Variants in SPATA13 observed in about 807,000 individuals in gnomAD.
The protein encoded by SPATA13 is spermatogenesis associated 13, also known as spermatogenesis-associated protein 13.
Under a neutral mutation model 104.0 loss-of-function variants are expected in SPATA13, and 50 were observed. The observed-to-expected ratio is 0.48, with a 90% confidence interval of 0.38 to 0.61. SPATA13 has a LOEUF of 0.61. Ranked by LOEUF, SPATA13 falls within the 20% of genes least tolerant of loss-of-function variation. The pLI, the probability that SPATA13 is intolerant of heterozygous loss-of-function variation, is 0.00. For synonymous variants in SPATA13, 606 were observed against 667.5 expected, an observed-to-expected ratio of 0.91 and a Z score of 1.42; for missense variants, 1,524 against 1,690.6, an observed-to-expected ratio of 0.90 and a Z score of 1.73.
intron 2 of SPATA13, among the ~76,000 whole-genome samples, chr13:24,013,533 C>T (rs749042761): frequency 6.6e-6 from 1 of 152,200 alleles, no homozygotes; most frequent in African/African-American, 2.4e-5. Context: ...AAGCTTAAGT[C>T]GCCCTTATCC....
At chr13:24,210,282 G>A (rs1212119782) in intron 1 of SPATA13, among the ~76,000 whole-genome samples, 1 of 152,070 alleles carries the variant, frequency 6.6e-6, no homozygotes, top group African/African-American at 2.4e-5. Flanking sequence ...GCTTGATACA[G>A]TCTCGTGTCT....
chr13:24,107,057 A>G lies in SPATA13; in HGVS notation c.-112+89356A>G, dbSNP rs373419697. 3.5e-4 allele frequency among the ~76,000 whole-genome samples: 52 copies of G among 149,040 alleles called. No homozygotes were observed. In the East Asian group the frequency reaches 3.5e-3, roughly 10 times the overall value. On this transcript the variant is annotated intron_variant, in intron 3 of 14. Coordinates refer to the SPATA13 transcript ENST00000424834. ...ACATGAAAAGATGATAAGGACGGGG[A>G]AAAAAAAAAGGAAGAAATTTATGCT...
chr13:24,106,453 T>C (rs181832607), intron 3 of SPATA13, among the ~76,000 whole-genome samples: 2 of 152,334 alleles, frequency 1.3e-5, no homozygotes, highest in East Asian at 3.9e-4. Context: ...CATTCCACCA[T>C]TGACATGGGT....
intron 3 of SPATA13, among the ~76,000 whole-genome samples, chr13:24,048,723 C>T (rs1173917653): frequency 6.6e-6 from 1 of 151,944 alleles, no homozygotes; most frequent in African/African-American, 2.4e-5. Flanking sequence ...CAAGCTGAAC[C>T]GTTTAATATC....
chr13:24,196,645 A>T (rs1225933228), intron 1 of SPATA13, among the ~76,000 whole-genome samples: 1 of 152,166 alleles, frequency 6.6e-6, no homozygotes, highest in Non-Finnish European at 1.5e-5. Context: ...ATGAGGTGGG[A>T]GGATCACTGG....
At chr13:24,008,100 T>G (rs1352247110) in intron 2 of SPATA13, among the ~76,000 whole-genome samples, 1 of 152,102 alleles carries the variant, frequency 6.6e-6, no homozygotes, top group Non-Finnish European at 1.5e-5. Context: ...CCTGTGAAGG[T>G]TAAGGAAGGA....
intron 1 of SPATA13, among the ~76,000 whole-genome samples, chr13:24,180,359 A>G (rs528026333): frequency 2.0e-5 from 3 of 152,286 alleles, no homozygotes; most frequent in South Asian, 2.1e-4. Flanking sequence ...CTATATGTCT[A>G]TCCTTGTGCT....
rs76249356 is a variant in SPATA13, at chr13:24,218,649, G to C, written c.-111-4170G>C. On this transcript the variant is annotated intron_variant, in intron 1 of 12. Transcript: ENST00000382108. The stretch of plus-strand genomic sequence containing the variant: ...TGGGCCGCAGGCTGCATGTGGCCCA[G>C]GGAAGCTTTGAATGTGGCCCAACAC... 0.017 allele frequency among the ~76,000 whole-genome samples: 2,530 copies of C among 152,136 alleles called. 133 individuals are homozygous for C. In the East Asian group the frequency reaches 0.18, roughly 11 times the overall value.
rs916290190 is a variant in SPATA13 at position 24,051,749 on chromosome 13, T to C, written c.-112+34048T>C. Among the ~76,000 whole-genome samples, 6 of 152,180 alleles carry C rather than the reference T, an allele frequency of 3.9e-5. No homozygotes were observed. Among genetic ancestry groups the C allele is most frequent in the African/African-American group, 9.6e-5 (4 of 41,506 alleles). On this transcript the variant is annotated intron_variant, in intron 3 of 14. Transcript: ENST00000424834. The surrounding 1 kb of genome is among the most constrained non-coding windows in gnomAD (Gnocchi z 4.2). ...AGCTTTAGGGGGGAAGTGGTAGCGA[T>C]TGGAGTCAGAGGCAGCAGTGCTATC...
chr13:24,089,404 C>T (rs561986288), intron 3 of SPATA13, among the ~76,000 whole-genome samples: 20 of 152,254 alleles, frequency 1.3e-4, no homozygotes, highest in African/African-American at 3.4e-4. Flanking sequence ...CTGCTGTGGA[C>T]GCTAAGGACC....
chr13:24,061,513 A>T (rs1878771155), intron 3 of SPATA13, among the ~76,000 whole-genome samples: 2 of 152,260 alleles, frequency 1.3e-5, no homozygotes, highest in South Asian at 4.1e-4. Flanking sequence ...TGTGGAACAT[A>T]TGCACCATGG....
chr13:24,109,817 A>AAT (rs1169422004), intron 3 of SPATA13, among the ~76,000 whole-genome samples: 1 of 151,968 alleles, frequency 6.6e-6, no homozygotes, highest in African/African-American at 2.4e-5. Flanking sequence ...ATCTGCAATG[A>AAT]ATATAGTTGC....
In SPATA13 at chr13:24,294,848, G is replaced by A. The variant is rs756792701; in HGVS notation, c.3190G>A (p.Val1064Met). ...ESIDKIARWQ[V>M]SIVGWEGLDI... ...CATCGACAAGATAGCTCGCTGGCAG[G>A]TGTCTATCGTGGGCTGGGAGGTAAG... The change falls in exon 10 of 13, where the codon GTG (valine) becomes ATG (methionine). Residue 1064 changes from valine (V) to methionine (M), a missense_variant. Physicochemically the swap from Val to Met is conservative, Grantham distance 21 (BLOSUM62 1). Transcript: ENST00000382108. 12 of 1,609,882 alleles carry A rather than the reference G, an allele frequency of 7.5e-6. No homozygotes were observed. The South Asian group carries it at 7.7e-5, about 10-fold the overall frequency.
At position 24,237,377 on chromosome 13, in the gene SPATA13, C is replaced by CA. The variant is rs200472890; in HGVS notation, c.1654-12092dup. ...GATTCCATCTTAAAACAAAACAAAA[C>CA]AAAAAAAACATGCTGCAGCATGGCT... On this transcript the variant is annotated intron_variant, in intron 2 of 12. Coordinates refer to ENST00000382108, the MANE Select transcript of SPATA13 (RefSeq NM_001166271.3). Among the ~76,000 whole-genome samples, 1,095 of 151,612 alleles carry CA rather than the reference C, an allele frequency of 7.2e-3. 25 individuals are homozygous for CA. The highest frequency in any genetic ancestry group is 0.025 in the African/African-American group (1,022 of 41,346).
intron 2 of SPATA13, among the ~76,000 whole-genome samples, chr13:24,013,248 C>A (rs1444779108): frequency 6.6e-6 from 1 of 152,228 alleles, no homozygotes; most frequent in Non-Finnish European, 1.5e-5. Context: ...CTCAGCTCAG[C>A]TCCCGCTCTG....
At chr13:24,258,967 C>T (rs1261868758) in intron 4 of SPATA13, among the ~76,000 whole-genome samples, 1 of 152,086 alleles carries the variant, frequency 6.6e-6, no homozygotes, top group Non-Finnish European at 1.5e-5. Context: ...TAGCTAGCCA[C>T]TGGGGAGCAA....
rs1470572901 is a variant in SPATA13, at chr13:24,011,948, C to G, written c.-146-5719C>G. Among the ~76,000 whole-genome samples the G allele has an allele frequency of 2.0e-5, 3 of 152,214 alleles. No homozygotes were observed. The highest frequency in any genetic ancestry group is 7.2e-5 in the African/African-American group (3 of 41,452). ...GGCTTCAATGTGCACCTCCGCCTCC[C>G]CCTACGGATTGTAAAACTCACAGGC... On this transcript the variant is annotated intron_variant, in intron 2 of 14. Coordinates refer to the SPATA13 transcript ENST00000424834. The surrounding 1 kb of genome is among the most constrained non-coding windows in gnomAD (Gnocchi z 4.3).
Position 24,224,187 on chromosome 13 carries a change from G to T in SPATA13, c.1258G>T (p.Val420Leu). ...FPLETKSSWA[V>L]ESDSSCTCSS... The stretch of plus-strand genomic sequence containing the variant: ...TCTTGAAACCAAAAGTTCCTGGGCG[G>T]TGGAAAGCGACAGTTCCTGCACTTG... Residue 420 changes from valine to leucine, a missense_variant, in exon 2 of 13, where the codon GTG (valine) becomes TTG (leucine). Around this residue, in one of 2 missense-constraint regions of SPATA13, gnomAD observed 1,089 missense variants for 1,135.9 expected, o/e 0.96. Transcript: ENST00000382108. 1 of 1,551,772 alleles carries T rather than the reference G, an allele frequency of 6.4e-7. No homozygotes were observed. The highest frequency in any genetic ancestry group is 1.4e-5 in the African/African-American group (1 of 73,164).
At chr13:24,041,121 A>G (rs1157524263) in intron 3 of SPATA13, among the ~76,000 whole-genome samples, 1 of 152,232 alleles carries the variant, frequency 6.6e-6, no homozygotes, top group Admixed American at 6.5e-5. Context: ...TGGGGGTAGG[A>G]TGTGGCTGAA....
Sources: gnomAD v4.1 joint callset for allele counts (sites outside exome capture counted in the v4.1 genomes callset) on GRCh38, gnomAD v4.1.1 for gene constraint, gnomAD v4.1.1 regional missense constraint, Gnocchi (gnomAD v3.1) non-coding constraint, MANE v1.5 for transcripts, NCBI Gene and HGNC (gene_info 2026-07-23, HGNC 2026-07-21) for gene names.